HOOK3: variants seen among roughly 807,000 people sequenced by gnomAD.
HOOK3 encodes the protein hook microtubule tethering protein 3.
In HOOK3, 24 loss-of-function variants were observed where a neutral mutation model predicts 116.3. The observed-to-expected ratio is 0.21, with a 90% CI of 0.15 to 0.29. The LOEUF is 0.29. Among genes scored for constraint, HOOK3 ranks in the 10% least tolerant of loss-of-function variants. HOOK3 has a pLI of 1.00. For missense variants in HOOK3, 632 were observed against 830.2 expected (o/e 0.76, Z 2.93); for synonymous variants, 275 against 283.0 (o/e 0.97, Z 0.28).
intron 4 of HOOK3, among the ~76,000 whole-genome samples, chr8:42,941,596 G>T (rs1425029797): frequency 6.7e-6 from 1 of 149,864 alleles, no homozygotes; most frequent in African/African-American, 2.4e-5. Flanking sequence ...TCTAGGAATT[G>T]ATTTTCCTAT....
intron 19 of HOOK3, among the ~76,000 whole-genome samples, chr8:43,012,218 C>T (rs1809626585): frequency 6.6e-6 from 1 of 152,198 alleles, no homozygotes; most frequent in African/African-American, 2.4e-5. Context: ...ATTGTGCAAA[C>T]ATTGTAGAGT....
chr8:43,006,290 G>T (rs1352777096), intron 17 of HOOK3, among the ~76,000 whole-genome samples: 1 of 150,492 alleles, frequency 6.6e-6, no homozygotes, highest in Non-Finnish European at 1.5e-5. Context: ...AAAGTGCTGG[G>T]ATTACAGGTG....
intron 5 of HOOK3, chr8:42,949,454 G>A (rs897761685): frequency 6.6e-6 from 1 of 152,202 alleles, no homozygotes; most frequent in African/African-American, 2.4e-5. Context: ...ATCTGTAACT[G>A]TGAACAGTCA....
Position 42,943,342 on chromosome 8 carries a change from C to G in HOOK3, c.297C>G (p.Thr99=), listed in dbSNP as rs1808164501. The change falls in exon 5 of 22, where the codon ACC becomes ACG. Residue 99 remains threonine (T), a synonymous_variant. Coordinates refer to ENST00000307602, the MANE Select transcript of HOOK3 (RefSeq NM_032410.4). ...TAGGACAGCAAATTAATGACTTTAC[C>G]CTTCCTGATGTGAACCTTATTGGGG... ...EILGQQINDF[T]LPDVNLIGEH... is the part of the protein sequence containing the mutation. The G allele has an allele frequency of 6.5e-7, 1 of 1,531,546 alleles. No individual in the cohort carries two copies. The highest frequency in any genetic ancestry group is 1.4e-5 in the African/African-American group (1 of 72,472). The allele number at this position is 1,531,546 out of a possible 1,614,324, so 94.9% of individuals were successfully genotyped here. A position where few individuals can be genotyped will look rare whatever the true frequency, so the allele number is the denominator to read the frequency against.
chr8:42,913,662 A>C (rs953239950), intron 2 of HOOK3, among the ~76,000 whole-genome samples: 1 of 152,150 alleles, frequency 6.6e-6, no homozygotes, highest in Admixed American at 6.5e-5. Flanking sequence ...GCTGGATCAT[A>C]TGGTAGGTCT....
chr8:42,922,252 A>G (rs1807671614), intron 2 of HOOK3, among the ~76,000 whole-genome samples: 1 of 149,456 alleles, frequency 6.7e-6, no homozygotes, highest in African/African-American at 2.6e-5. Flanking sequence ...ATCAAAATTT[A>G]AAACTTTGAC....
chr8:43,008,387 C>T (rs527993580), intron 18 of HOOK3, among the ~76,000 whole-genome samples: 4 of 150,918 alleles, frequency 2.7e-5, no homozygotes, highest in Admixed American at 6.6e-5. Flanking sequence ...GATCACAGCT[C>T]ACTGCAGCAG....
At chr8:42,945,739 G>T (rs1031208335) in intron 5 of HOOK3, among the ~76,000 whole-genome samples, 10 of 152,132 alleles carry the variant, frequency 6.6e-5, no homozygotes, top group Admixed American at 4.6e-4. Flanking sequence ...ATCAATAAAT[G>T]GAATGTAAAT....
In HOOK3 at chr8:42,957,083, C is replaced by A. The variant is rs759512980; in HGVS notation, c.469-11C>A. ...GCCTCATAGTTATAATCATTTAAAT[C>A]TTGATTTCAGCTGATGAGTAAAGAA... On this transcript the variant is annotated splice_polypyrimidine_tract_variant and intron_variant, in intron 6 of 21. Transcript: ENST00000307602. The A allele has an allele frequency of 1.3e-6, 2 of 1,555,650 alleles. No individual in the cohort carries two copies. Among genetic ancestry groups the A allele is most frequent in the Non-Finnish European group, 8.8e-7 (1 of 1,138,338 alleles).
intron 21 of HOOK3, among the ~76,000 whole-genome samples, chr8:43,014,379 T>G (rs1410638725): frequency 6.6e-6 from 1 of 150,962 alleles, no homozygotes; most frequent in African/African-American, 2.4e-5. Flanking sequence ...TGAGATAGAG[T>G]CTCGCTGTGT....
At chr8:42,939,624 AC>A (rs558111604) in intron 4 of HOOK3, among the ~76,000 whole-genome samples, 7 of 129,040 alleles carry the variant, frequency 5.4e-5, no homozygotes, top group Admixed American at 1.5e-4. Context: ...CGGGGGGCTG[AC>A]CCCCCCACCT....
chr8:42,978,410 ATTTTTTT>A, intron 13 of HOOK3, among the ~76,000 whole-genome samples: 1 of 121,006 alleles, frequency 8.3e-6, no homozygotes, highest in Admixed American at 8.5e-5. Flanking sequence ...TGCCTGGCTA[ATTTTTTT>A]TTTTTTTTTT....
intron 8 of HOOK3, among the ~76,000 whole-genome samples, chr8:42,962,875 C>T (rs1386421926): frequency 1.4e-5 from 2 of 142,342 alleles, no homozygotes; most frequent in Non-Finnish European, 3.0e-5. Context: ...GATCTTAGCT[C>T]ACTGCAACTT....
At chr8:42,939,527 T>A (rs1167460099) in intron 4 of HOOK3, among the ~76,000 whole-genome samples, 2 of 103,390 alleles carry the variant, frequency 1.9e-5, no homozygotes, top group South Asian at 3.7e-4. Flanking sequence ...GGGGGGCTGA[T>A]CCCCCCACCT....
chr8:42,996,215 G>A (rs1027920100), intron 15 of HOOK3, among the ~76,000 whole-genome samples: 15 of 151,844 alleles, frequency 9.9e-5, no homozygotes, highest in Non-Finnish European at 1.5e-4. Flanking sequence ...GTGAAACCCC[G>A]TCTCTACTAA....
Position 43,023,205 on chromosome 8 carries a change from C to CAAAAAAAAA in HOOK3, c.*4722_*4730dup, listed in dbSNP as rs766633886. ...TGGGCCACAGAGTGAGACTCCATCT[C>CAAAAAAAAA]AAAAAAAAAAAAAAAAAAAAAAAGA... On this transcript the variant is annotated 3_prime_UTR_variant, in exon 22 of 22. Coordinates refer to ENST00000307602, the MANE Select transcript of HOOK3 (RefSeq NM_032410.4). The CAAAAAAAAA allele has an allele frequency of 8.5e-5, 6 of 70,488 alleles. No homozygotes were observed. Among genetic ancestry groups the CAAAAAAAAA allele is most frequent in the South Asian group, 6.6e-4 (1 of 1,514 alleles). 4.4% of individuals were successfully genotyped at this position (70,488 alleles called of 1,614,324 possible).
At position 43,025,061 on chromosome 8, in the gene HOOK3, T is replaced by C; in HGVS notation, c.*6563T>C. 1 of 211,526 alleles carries C rather than the reference T, an allele frequency of 4.7e-6. No individual in the cohort carries two copies. Among genetic ancestry groups the C allele is most frequent in the Non-Finnish European group, 9.6e-6 (1 of 104,412 alleles). 13.1% of individuals were successfully genotyped at this position (211,526 alleles called of 1,614,324 possible). A position where few individuals can be genotyped will look rare whatever the true frequency, so the allele number is the denominator to read the frequency against. Reference sequence around the variant, plus strand: ...TGTTGACTTAAAACATGGGCATCCTTGGATTCTCCACATTGACTGAAATGA... The same window carrying C: ...TGTTGACTTAAAACATGGGCATCCTCGGATTCTCCACATTGACTGAAATGA... On this transcript the variant is annotated 3_prime_UTR_variant, in exon 22 of 22. Coordinates refer to ENST00000307602, the MANE Select transcript of HOOK3 (RefSeq NM_032410.4).
At chr8:42,957,940 C>T (rs1380775142) in intron 7 of HOOK3, among the ~76,000 whole-genome samples, 1 of 151,822 alleles carries the variant, frequency 6.6e-6, no homozygotes, top group Non-Finnish European at 1.5e-5. Context: ...CACCATTCTC[C>T]TGCCTCAGCC....
intron 5 of HOOK3, 89 bp downstream of exon 5, chr8:42,943,534 AC>A: frequency 1.2e-6 from 1 of 854,592 alleles, no homozygotes. Context: ...ACCAGTACCA[AC>A]AGTAACATCT....
Sources: allele counts gnomAD v4.1 joint callset (sites outside exome capture counted in the v4.1 genomes callset), GRCh38; gene constraint gnomAD v4.1.1; transcripts MANE v1.5; gene names NCBI Gene and HGNC (gene_info 2026-07-23, HGNC 2026-07-21).